The following GPR137 variants were observed in gnomAD, a reference collection of about 807,000 sequenced individuals.
GPR137 encodes G protein-coupled receptor 137.
Under a neutral mutation model 38.9 loss-of-function variants are expected in GPR137, and 20 were observed. The ratio of observed to expected loss-of-function variants is 0.51; its 90% CI spans 0.36 to 0.75. GPR137 has a LOEUF of 0.75. Ranked by LOEUF, GPR137 falls within the 30% of genes least tolerant of loss-of-function variation. The pLI is 0.00. For missense variants in GPR137, 456 were observed against 526.4 expected (o/e 0.87, Z 1.31); for synonymous variants, 226 against 235.8 (o/e 0.96, Z 0.38).
rs2033127228 is a variant in GPR137 at position 64,277,120 on chromosome 11, C to CA, written c.-16+700dup. The CA allele has an allele frequency of 4.6e-6, 3 of 645,462 alleles. No individual in the cohort carries two copies. In the South Asian group the frequency reaches 5.3e-5, roughly 11 times the overall value. 40.0% of individuals were successfully genotyped at this position (645,462 alleles called of 1,614,324 possible). ...CACTGAATTGCACACTTAATTAAAA[C>CA]AGTGGTGTTCCAGACCGTTTGGAGC... On this transcript the variant is annotated intron_variant, in intron 2 of 2. Transcript: ENST00000538244.
Position 64,287,912 on chromosome 11 carries a change from G to A in GPR137, c.599G>A (p.Arg200Gln), listed in dbSNP as rs776161272. The change falls in exon 3 of 7, where the codon CGG becomes CAG. Residue 200 changes from arginine to glutamine, a missense_variant. Coordinates refer to ENST00000438980, the MANE Select transcript of GPR137 (RefSeq NM_001170880.2). ...LAACLCLVAR[R>Q]APSTSIYLEA... ...GCCTGCCTCTGCCTCGTCGCCAGGC[G>A]GGCGCCCTCCACTAGCATCTACCTG... 8 of 1,601,912 alleles carry A rather than the reference G, an allele frequency of 5.0e-6. No individual in the cohort carries two copies. The highest frequency in any genetic ancestry group is 2.2e-5 in the East Asian group (1 of 44,878).
At chr11:64,279,283 G>A (rs374408175) in intron 2 of GPR137, among the ~76,000 whole-genome samples, 1 of 151,982 alleles carries the variant, frequency 6.6e-6, no homozygotes, top group African/African-American at 2.4e-5. Context: ...ACGATGCTGC[G>A]GCTTCCCAGG....
Position 64,288,145 on chromosome 11 carries a change from A to T in GPR137, c.714A>T (p.Thr238=), listed in dbSNP as rs375615961. ...LYASRACYNL[T]ALALAPQSRL... is the part of the protein sequence containing the mutation. Reference sequence around the variant, plus strand: ...CCAGCCGGGCCTGCTACAACCTGACAGCACTGGCCTTGGCCCCCCAGAGCC... The same window carrying T: ...CCAGCCGGGCCTGCTACAACCTGACTGCACTGGCCTTGGCCCCCCAGAGCC... Residue 238 remains threonine (T), a synonymous_variant, in exon 4 of 7, where the codon ACA becomes ACT. Coordinates refer to ENST00000438980, the MANE Select transcript of GPR137 (RefSeq NM_001170880.2). This position sits in a 1 kb window ranked among gnomAD's most constrained non-coding sequence, Gnocchi z 5.5. 1.9e-6 allele frequency: 3 copies of T among 1,613,048 alleles called. No homozygotes were observed. The highest frequency in any genetic ancestry group is 1.7e-6 in the Non-Finnish European group (2 of 1,179,994).
Position 64,288,914 on chromosome 11 carries a change from T to C in GPR137, c.1032-123T>C. ...CTCCACCTCTTGCCTAGAGATGTAC[T>C]TTGTCCTGGGCCCCGAAGGTCTAGG... On this transcript the variant is annotated intron_variant, in intron 6 of 6. Coordinates refer to ENST00000438980, the MANE Select transcript of GPR137 (RefSeq NM_001170880.2). The surrounding 1 kb of genome is among the most constrained non-coding windows in gnomAD (Gnocchi z 5.5). 6.9e-7 allele frequency: 1 copy of C among 1,442,624 alleles called. No individual in the cohort carries two copies. The highest frequency in any genetic ancestry group is 9.1e-7 in the Non-Finnish European group (1 of 1,103,302). The allele number at this position is 1,442,624 out of a possible 1,614,324, so 89.4% of individuals were successfully genotyped here.
In GPR137 at chr11:64,286,051, G is replaced by A; in HGVS notation, c.-474G>A. On this transcript the variant is annotated 5_prime_UTR_variant, in exon 1 of 7. Coordinates refer to ENST00000438980, the MANE Select transcript of GPR137 (RefSeq NM_001170880.2). Reference sequence around the variant, plus strand: ...GGCCCTCCCCATCCGCATTATTGGAGGAGAGAGAGCCTCCCCCAGCTTGGG... The same window carrying A: ...GGCCCTCCCCATCCGCATTATTGGAAGAGAGAGAGCCTCCCCCAGCTTGGG... 1.0e-6 allele frequency: 1 copy of A among 988,486 alleles called. No homozygotes were observed. The highest frequency in any genetic ancestry group is 1.2e-6 in the Non-Finnish European group (1 of 831,940). 61.2% of individuals were successfully genotyped at this position (988,486 alleles called of 1,614,324 possible).
upstream of GPR137, among the ~76,000 whole-genome samples, chr11:64,271,386 C>T (rs1293802321): frequency 8.7e-5 from 12 of 138,544 alleles, no homozygotes; most frequent in South Asian, 2.2e-4. Flanking sequence ...GTGACTCACA[C>T]ACACACACAC....
At chr11:64,287,139 T>C in intron 2 of GPR137, 125 bp downstream of exon 2, 1 of 1,483,864 alleles carries the variant, frequency 6.7e-7, no homozygotes, top group South Asian at 1.3e-5. Context: ...GTGGAAGATC[T>C]TGGAAAAGTT....
chr11:64,270,898 G>GAC (rs1491175311), upstream of GPR137, among the ~76,000 whole-genome samples: 5,586 of 86,502 alleles, frequency 0.065, 777 homozygotes, highest in Non-Finnish European at 0.099. Flanking sequence ...CATGCCCTGT[G>GAC]AGACACACAC....
At chr11:64,283,778 C>T (rs188770141), upstream of GPR137, among the ~76,000 whole-genome samples, 73 of 152,264 alleles carry the variant, frequency 4.8e-4, no homozygotes, top group Non-Finnish European at 8.8e-4. Flanking sequence ...CTGTCCTAAC[C>T]CCACACTAAT....
At chr11:64,271,648 G>A (rs1174857060), upstream of GPR137, 16 of 1,504,720 alleles carry the variant, frequency 1.1e-5, no homozygotes, top group Non-Finnish European at 1.4e-5. Flanking sequence ...CTCATCCTCC[G>A]GAGCTCGCGG....
upstream of GPR137, among the ~76,000 whole-genome samples, chr11:64,279,679 C>T (rs922208591): frequency 1.4e-5 from 2 of 147,206 alleles, no homozygotes; most frequent in Admixed American, 7.0e-5. Flanking sequence ...AGGAGAATGG[C>T]ATGAACCCAG....
At chr11:64,284,199 C>A, upstream of GPR137, 1 of 1,600,616 alleles carries the variant, frequency 6.2e-7, no homozygotes, top group Non-Finnish European at 8.5e-7. Flanking sequence ...ATGGCTGCTG[C>A]TGGTTGGCTG....
At chr11:64,278,162 C>T (rs1461492222) in intron 2 of GPR137, among the ~76,000 whole-genome samples, 2 of 151,920 alleles carry the variant, frequency 1.3e-5, no homozygotes, top group Admixed American at 1.3e-4. Flanking sequence ...GGCATGGTGG[C>T]GTGCGCCTGT....
At chr11:64,271,720 TG>T, upstream of GPR137, 1 of 1,462,402 alleles carries the variant, frequency 6.8e-7, no homozygotes. Flanking sequence ...CGAAAGGGGC[TG>T]GGCTCCTCCC....
upstream of GPR137, chr11:64,285,666 C>T: frequency 1.0e-6 from 1 of 985,072 alleles, no homozygotes; most frequent in Non-Finnish European, 1.2e-6. Flanking sequence ...GCGGCACGGC[C>T]CCCGCAACTC....
upstream of GPR137, among the ~76,000 whole-genome samples, chr11:64,274,021 T>C (rs1266000757): frequency 6.6e-6 from 1 of 152,176 alleles, no homozygotes; most frequent in East Asian, 1.9e-4. Flanking sequence ...TCAGAGGACC[T>C]GAGGACCTGG....
In GPR137 at chr11:64,287,839, G is replaced by A. The variant is rs753450610; in HGVS notation, c.526G>A (p.Val176Ile). 11 of 1,605,728 alleles carry A rather than the reference G, an allele frequency of 6.9e-6. No homozygotes were observed. The highest frequency in any genetic ancestry group is 6.7e-5 in the Admixed American group (4 of 59,982). Residue 176 changes from valine to isoleucine, a missense_variant, in exon 3 of 7, where the codon GTC (valine) becomes ATC (isoleucine). Physicochemically the swap from Val to Ile is conservative, Grantham distance 29. Coordinates refer to ENST00000438980, the MANE Select transcript of GPR137 (RefSeq NM_001170880.2). ...GCCCTGGGCCCTGCTGCTTGTCCGC[G>A]TCCTGGTGAGCGACTCCCTGTTCGT... ...AQPWALLLVR[V>I]LVSDSLFVIC... is the part of the protein sequence containing the mutation.
chr11:64,277,152 G>A (rs2033129765), intron 2 of GPR137: 2 of 603,350 alleles, frequency 3.3e-6, no homozygotes, highest in African/African-American at 3.7e-5. Context: ...GAGCAGTGAA[G>A]CTCTGCCATC....
upstream of GPR137, chr11:64,271,830 C>G: frequency 7.4e-7 from 1 of 1,359,704 alleles, no homozygotes; most frequent in Non-Finnish European, 9.5e-7. Context: ...GGTAGGGGGG[C>G]GACGTTAATC....
Sources: gnomAD v4.1 joint callset for allele counts (sites outside exome capture counted in the v4.1 genomes callset) on GRCh38, gnomAD v4.1.1 for gene constraint, Gnocchi (gnomAD v3.1) non-coding constraint, MANE v1.5 for transcripts, NCBI Gene and HGNC (gene_info 2026-07-23, HGNC 2026-07-21) for gene names.